Variants in NRXN1 observed in about 807,000 individuals in gnomAD.
NRXN1 encodes neurexin-1.
Under a neutral mutation model 150.9 loss-of-function variants are expected in NRXN1, and 39 were observed. The observed-to-expected ratio is 0.26, with a 90% confidence interval of 0.20 to 0.34. NRXN1 has a LOEUF of 0.34. Among genes scored for constraint, NRXN1 ranks in the 10% least tolerant of loss-of-function variants. The pLI, the probability that NRXN1 is intolerant of heterozygous loss-of-function variation, is 1.00. For missense variants in NRXN1, 1,815 were observed against 1,949.9 expected (o/e 0.93, Z 1.30); for synonymous variants, 924 against 757.0 (o/e 1.22, Z -3.62).
chr2:50,546,684 T>C (rs960485520), intron 9 of NRXN1, among the ~76,000 whole-genome samples: 21 of 152,142 alleles, frequency 1.4e-4, no homozygotes, highest in African/African-American at 4.6e-4. Context: ...TAAATAAATA[T>C]AAACATTTTA....
intron 5 of NRXN1, among the ~76,000 whole-genome samples, chr2:50,647,355 C>A (rs1006113604): frequency 1.3e-5 from 2 of 151,882 alleles, no homozygotes; most frequent in African/African-American, 4.8e-5. Flanking sequence ...ATCCCTTAAC[C>A]TTCCAACACT....
chr2:50,160,822 T>A (rs2059319803), intron 18 of NRXN1, among the ~76,000 whole-genome samples: 1 of 152,180 alleles, frequency 6.6e-6, no homozygotes, highest in African/African-American at 2.4e-5. Flanking sequence ...AATTCTATAA[T>A]GTTTACTGTT....
intron 2 of NRXN1, 25 bp from the exon 3 acceptor site, chr2:50,925,980 G>C (rs1232402095): frequency 3.2e-6 from 5 of 1,563,356 alleles, no homozygotes; most frequent in Non-Finnish European, 4.3e-6. Context: ...CAAGGAGGGA[G>C]AGAAAAGGAA....
At chr2:50,449,903 T>C (rs2086804594) in intron 17 of NRXN1, among the ~76,000 whole-genome samples, 1 of 152,140 alleles carries the variant, frequency 6.6e-6, no homozygotes, top group African/African-American at 2.4e-5. Context: ...GATCTGTAAT[T>C]GTGTTTCCAT....
Position 50,206,228 on chromosome 2 carries a change from T to TACACAC in NRXN1, c.3546+30555_3546+30560dup, listed in dbSNP as rs66795755. ...TAAGTTATACATGCATACACACAAA[T>TACACAC]ACACACACACACACACACACACACA... On this transcript the variant is annotated intron_variant, in intron 18 of 22. Transcript: ENST00000401669. 5.2e-3 allele frequency among the ~76,000 whole-genome samples: 557 copies of TACACAC among 106,424 alleles called. 5 individuals carry two copies. The highest frequency in any genetic ancestry group is 0.015 in the African/African-American group (519 of 33,748). The allele number at this position is 106,424 out of a possible 152,430, so 69.8% of individuals were successfully genotyped here.
At chr2:49,925,944 T>C (rs981903455) in intron 22 of NRXN1, among the ~76,000 whole-genome samples, 1 of 152,190 alleles carries the variant, frequency 6.6e-6, no homozygotes, top group African/African-American at 2.4e-5. Context: ...AACTCCGACG[T>C]GTAGGTAAAA....
intron 2 of NRXN1, among the ~76,000 whole-genome samples, chr2:51,013,434 G>T (rs567239366): frequency 2.0e-5 from 3 of 151,852 alleles, no homozygotes; most frequent in African/African-American, 7.2e-5. Context: ...TATAACTTCA[G>T]ACACTCTTGA....
rs200217640 is a variant in NRXN1 at position 49,943,730 on chromosome 2, G to T, written c.4190C>A (p.Pro1397His). 2 of 1,612,128 alleles carry T rather than the reference G, an allele frequency of 1.2e-6. No homozygotes were observed. The highest frequency in any genetic ancestry group is 1.7e-6 in the Non-Finnish European group (2 of 1,179,170). ...TAACCCACCTGAGCTCGGCTCACAG[G>T]GGTCAATGTCCTCATCATCGCTGGG... ...ECPSDDEDID[P>H]CEPSSGGLAN... Residue 1397 changes from proline to histidine, a missense_variant, in exon 22 of 23, where the codon CCC (proline) becomes CAC (histidine). By Grantham distance (77) the Pro-to-His change is moderately conservative. Transcript: ENST00000401669.
chr2:50,899,974 T>C (rs1384776587), intron 5 of NRXN1, among the ~76,000 whole-genome samples: 1 of 152,174 alleles, frequency 6.6e-6, no homozygotes, highest in Non-Finnish European at 1.5e-5. Context: ...TATTTTAAAA[T>C]ATGTAATAAC....
Position 50,968,392 on chromosome 2 carries a change from A to T in NRXN1, c.773-42437T>A, listed in dbSNP as rs558964204. 3.9e-5 allele frequency among the ~76,000 whole-genome samples: 6 copies of T among 152,244 alleles called. No individual in the cohort carries two copies. The East Asian group carries it at 9.6e-4, about 24-fold the overall frequency. The stretch of plus-strand genomic sequence containing the variant: ...TAATATCAGCCATTAATAACTGAGT[A>T]AATGGAAGTGACCAAAATGAACTCT... On this transcript the variant is annotated intron_variant, in intron 2 of 22. Transcript: ENST00000401669.
At chr2:50,899,736 T>C (rs780069010) in intron 5 of NRXN1, among the ~76,000 whole-genome samples, 1 of 152,234 alleles carries the variant, frequency 6.6e-6, no homozygotes, top group African/African-American at 2.4e-5. Context: ...TAGGTTCTTA[T>C]GACATTATTT....
chr2:50,366,689 C>G (rs537589374), intron 17 of NRXN1, among the ~76,000 whole-genome samples: 1 of 151,970 alleles, frequency 6.6e-6, no homozygotes, highest in Admixed American at 6.6e-5. Flanking sequence ...TCTCCCCCAC[C>G]CCACTATTTT....
chr2:50,242,313 A>C (rs1185764799), intron 17 of NRXN1, among the ~76,000 whole-genome samples: 1 of 151,870 alleles, frequency 6.6e-6, no homozygotes, highest in Non-Finnish European at 1.5e-5. Context: ...CATAAAAAGC[A>C]AAAGCACAGA....
chr2:50,294,806 G>A (rs1517833), intron 17 of NRXN1, among the ~76,000 whole-genome samples: 122,448 of 152,092 alleles, frequency 0.81, 49,542 homozygotes, highest in Middle Eastern at 0.88. Context: ...AGGAATAATG[G>A]ATCTGTTTTA....
intron 5 of NRXN1, among the ~76,000 whole-genome samples, chr2:50,779,163 A>G (rs1295742893): frequency 1.3e-5 from 2 of 151,990 alleles, no homozygotes; most frequent in African/African-American, 4.8e-5. Context: ...TCCTAATGGT[A>G]TCCCTCCCCT....
intron 5 of NRXN1, among the ~76,000 whole-genome samples, chr2:50,682,988 C>T (rs531138031): frequency 6.6e-6 from 1 of 152,108 alleles, no homozygotes; most frequent in African/African-American, 2.4e-5. Context: ...TCTGTAACTA[C>T]ACATATACTT....
Position 50,131,694 on chromosome 2 carries a change from C to T in NRXN1, c.3547-40200G>A, listed in dbSNP as rs186752171. ...TATTTACATTTTGCTGATGGGTAAA[C>T]GGCTGGAGAGGCTAAATGGGCTGTT... On this transcript the variant is annotated intron_variant, in intron 18 of 22. Coordinates refer to ENST00000401669, the MANE Select transcript of NRXN1 (RefSeq NM_001330078.2). Among the ~76,000 whole-genome samples the T allele has an allele frequency of 2.9e-4, 44 of 152,156 alleles. 1 individual carries two copies. The highest frequency in any genetic ancestry group is 1.4e-3 in the Admixed American group (21 of 15,284).
chr2:50,922,580 C>A, intron 4 of NRXN1, 78 bp downstream of exon 4: 2 of 1,372,704 alleles, frequency 1.5e-6, no homozygotes, highest in South Asian at 2.4e-5. Context: ...TTTGCCCATC[C>A]TTTGCAGTGA....
Position 50,379,562 on chromosome 2 carries a change from A to G in NRXN1, c.3364+85880T>C, listed in dbSNP as rs530718193. ...AAAGAGAGAGAGGGAGAGAGAGAGA[A>G]TAAGAGGTCTAATGTCTTGTTTATG... On this transcript the variant is annotated intron_variant, in intron 17 of 22. Transcript: ENST00000401669. 2.0e-5 allele frequency among the ~76,000 whole-genome samples: 3 copies of G among 152,220 alleles called. No individual in the cohort carries two copies. The South Asian group carries it at 6.2e-4, about 32-fold the overall frequency.
Sources: allele counts gnomAD v4.1 joint callset (sites outside exome capture counted in the v4.1 genomes callset), GRCh38; gene constraint gnomAD v4.1.1; transcripts MANE v1.5; gene names NCBI Gene and HGNC (gene_info 2026-07-23, HGNC 2026-07-21).